Variants in PALD1 observed in about 807,000 individuals in gnomAD.
PALD1 encodes the protein paladin.
A neutral mutation model predicts 96.0 loss-of-function variants in PALD1; 57 were observed. The ratio of observed to expected loss-of-function variants is 0.59; its 90% CI spans 0.48 to 0.74. The LOEUF (loss-of-function observed/expected upper bound fraction) is 0.74. Among genes scored for constraint, PALD1 ranks in the 30% least tolerant of loss-of-function variants. The pLI, the probability that PALD1 is intolerant of heterozygous loss-of-function variation, is 0.00. For synonymous variants in PALD1, 464 were observed against 473.6 expected (o/e 0.98, Z 0.26); for missense variants, 1,063 against 1,143.7 (o/e 0.93, Z 1.02).
chr10:70,543,693 T>G (rs1321696269), intron 17 of PALD1, among the ~76,000 whole-genome samples: 2 of 152,162 alleles, frequency 1.3e-5, no homozygotes, highest in African/African-American at 4.8e-5. Flanking sequence ...GTTGACCATA[T>G]GTATAAGGGT....
the PALD1 span, among the ~76,000 whole-genome samples, chr10:70,467,060 G>C: frequency 6.6e-6 from 1 of 152,192 alleles, no homozygotes; most frequent in Non-Finnish European, 1.5e-5. Context: ...CGGGCCTGGG[G>C]GTGCAGAAAG....
At chr10:70,521,936 T>C (rs1846745131) in intron 1 of PALD1, among the ~76,000 whole-genome samples, 1 of 152,148 alleles carries the variant, frequency 6.6e-6, no homozygotes, top group African/African-American at 2.4e-5. Context: ...AAAGGAAATA[T>C]GTTTCATTGA....
intron 19 of PALD1, 22 bp downstream of exon 19, chr10:70,564,541 G>C (rs772401498): frequency 8.1e-6 from 13 of 1,610,146 alleles, no homozygotes; most frequent in Non-Finnish European, 1.1e-5. Context: ...CTGAGGCCGA[G>C]AGGGGCCGGG....
chr10:70,477,415 G>A (rs1845843100), upstream of PALD1, among the ~76,000 whole-genome samples: 1 of 152,224 alleles, frequency 6.6e-6, no homozygotes, highest in South Asian at 2.1e-4. Context: ...TTTGAGCCTA[G>A]CTCTGCTGAA....
In PALD1 at chr10:70,539,088, C is replaced by G. The variant is rs757656995; in HGVS notation, c.1570-4C>G. 6.2e-7 allele frequency: 1 copy of G among 1,613,730 alleles called. No homozygotes were observed. ...GCACTCACTGCCGGCCCTCCTGTGC[C>G]CAGGCCCTGGGGAGCATCCTGGCCT... On this transcript the variant is annotated splice_region_variant and splice_polypyrimidine_tract_variant and intron_variant, in intron 13 of 19. Coordinates refer to ENST00000263563, the MANE Select transcript of PALD1 (RefSeq NM_014431.3). The surrounding 1 kb of genome is among the most constrained non-coding windows in gnomAD (Gnocchi z 4.5).
chr10:70,523,507 G>C (rs4746050), intron 1 of PALD1, among the ~76,000 whole-genome samples: 3 of 152,188 alleles, frequency 2.0e-5, no homozygotes, highest in Middle Eastern at 3.4e-3. Context: ...GTGAGGTGGA[G>C]AGAAGGTTCC....
chr10:70,498,661 T>C (rs1846237284), intron 1 of PALD1, among the ~76,000 whole-genome samples: 1 of 151,894 alleles, frequency 6.6e-6, no homozygotes, highest in Non-Finnish European at 1.5e-5. Flanking sequence ...GCGCGGTGGC[T>C]CACGCCTGTA....
the PALD1 span, among the ~76,000 whole-genome samples, chr10:70,460,798 G>A: frequency 1.3e-5 from 2 of 152,246 alleles, no homozygotes; most frequent in Non-Finnish European, 2.9e-5. Flanking sequence ...GCTCACGCCT[G>A]TAATCTCAGC....
chr10:70,472,206 T>C, the PALD1 span, among the ~76,000 whole-genome samples: 1 of 152,176 alleles, frequency 6.6e-6, no homozygotes. Context: ...TGAGACATCC[T>C]TGGGAGCCTG....
Position 70,516,008 on chromosome 10 carries a change from C to T in PALD1, c.-29-9915C>T, listed in dbSNP as rs559213468. Among the ~76,000 whole-genome samples, 8 of 152,340 alleles carry T rather than the reference C, an allele frequency of 5.3e-5. No individual in the cohort carries two copies. The East Asian group carries it at 1.3e-3, about 26-fold the overall frequency. On this transcript the variant is annotated intron_variant, in intron 1 of 19. Transcript: ENST00000263563. ...AGATATTTATTAAACTCTTACCTGC[C>T]ACAGGCACTGGGCTCAGCCCTGAGT...
In PALD1 at chr10:70,538,297, C is replaced by T. The variant is rs770928156; in HGVS notation, c.1341C>T (p.Ala447=). The T allele has an allele frequency of 3.1e-5, 50 of 1,603,526 alleles. No homozygotes were observed. Among genetic ancestry groups the T allele is most frequent in the Non-Finnish European group, 4.0e-5 (47 of 1,179,960 alleles). ...YLHEQYPLAF[A]LSFSRWLCAH... is the part of the protein sequence containing the mutation. ...GGCTGCAGTACCCGCTGGCCTTTGC[C>T]CTCAGTTTCAGCCGCTGGCTGTGTG... Residue 447 remains alanine (A), a synonymous_variant, in exon 12 of 20, where the codon GCC becomes GCT. Transcript: ENST00000263563.
At chr10:70,517,367 A>C (rs57617434) in intron 1 of PALD1, among the ~76,000 whole-genome samples, 23,162 of 140,298 alleles carry the variant, frequency 0.17, 2,244 homozygotes, top group Admixed American at 0.24. Context: ...TTTGAGATGG[A>C]GTCTTGCTCT....
intron 12 of PALD1, 83 bp downstream of exon 12, chr10:70,538,491 G>A: frequency 7.1e-7 from 1 of 1,402,284 alleles, no homozygotes; most frequent in Non-Finnish European, 9.8e-7. Context: ...GTAGGGTTGG[G>A]GTAAGCATTG....
intron 19 of PALD1, 82 bp from the exon 20 acceptor site, chr10:70,566,499 C>T: frequency 9.4e-7 from 1 of 1,067,374 alleles, no homozygotes; most frequent in Non-Finnish European, 1.4e-6. Flanking sequence ...TCACAGGCCA[C>T]AGACTCATCT....
chr10:70,564,327 TC>T (rs753003113), intron 18 of PALD1, 36 bp from the exon 19 acceptor site: 2 of 1,577,900 alleles, frequency 1.3e-6, no homozygotes, highest in Non-Finnish European at 1.7e-6. Context: ...GGGACACGGA[TC>T]CCCCCACACT....
At chr10:70,474,509 C>T (rs369455671), upstream of PALD1, among the ~76,000 whole-genome samples, 32 of 152,184 alleles carry the variant, frequency 2.1e-4, no homozygotes, top group African/African-American at 7.2e-4. Flanking sequence ...AGCAGTGAGC[C>T]GAGATTGTGC....
intron 1 of PALD1, among the ~76,000 whole-genome samples, chr10:70,497,883 C>T (rs1846223600): frequency 6.6e-6 from 1 of 152,170 alleles, no homozygotes; most frequent in Non-Finnish European, 1.5e-5. Flanking sequence ...CTATTAAAAA[C>T]ATTTTTTAAC....
At chr10:70,526,897 G>A (rs1244065856) in intron 2 of PALD1, among the ~76,000 whole-genome samples, 1 of 152,088 alleles carries the variant, frequency 6.6e-6, no homozygotes, top group Non-Finnish European at 1.5e-5. Context: ...AATGTGTTCC[G>A]CACATCAAAG....
At chr10:70,546,007 C>T (rs576875975) in intron 17 of PALD1, among the ~76,000 whole-genome samples, 79 of 152,018 alleles carry the variant, frequency 5.2e-4, no homozygotes, top group African/African-American at 1.8e-3. Flanking sequence ...GAGACTTAGG[C>T]GGGTGGATCA....
Sources: allele counts gnomAD v4.1 joint callset (sites outside exome capture counted in the v4.1 genomes callset), GRCh38; gene constraint gnomAD v4.1.1; non-coding constraint Gnocchi (gnomAD v3.1); transcripts MANE v1.5; gene names NCBI Gene and HGNC (gene_info 2026-07-23, HGNC 2026-07-21).